Variants in P4HA1 observed in about 807,000 individuals in gnomAD.
The protein encoded by P4HA1 is prolyl 4-hydroxylase subunit alpha-1.
In P4HA1, 24 loss-of-function variants were observed where a neutral mutation model predicts 72.8. That is an observed-to-expected ratio of 0.33 (90% CI 0.24 to 0.46). The LOEUF (loss-of-function observed/expected upper bound fraction) is 0.46. P4HA1 is among the 20% of genes least tolerant of loss of function. The probability of loss-of-function intolerance (pLI) is 1.00; values close to 1 mark genes in which losing one functional copy is unlikely to be tolerated. For missense variants in P4HA1, 446 were observed against 640.6 expected, an observed-to-expected ratio of 0.70 and a Z score of 3.28; for synonymous variants, 201 against 218.8, an observed-to-expected ratio of 0.92 and a Z score of 0.72.
intron 11 of P4HA1, among the ~76,000 whole-genome samples, chr10:73,016,609 G>A (rs917744730): frequency 1.2e-4 from 18 of 151,992 alleles, no homozygotes; most frequent in African/African-American, 3.6e-4. Flanking sequence ...AAACCCTGTC[G>A]CTACTAAAAA....
At chr10:73,043,969 G>A (rs777733794) in intron 9 of P4HA1, 2 of 1,607,394 alleles carry the variant, frequency 1.2e-6, no homozygotes, top group Admixed American at 3.4e-5. Flanking sequence ...TACAAAAAAA[G>A]AGAAAGGACA....
At chr10:73,094,650 G>A (rs1842122102) in intron 1 of P4HA1, among the ~76,000 whole-genome samples, 1 of 152,152 alleles carries the variant, frequency 6.6e-6, no homozygotes, top group Admixed American at 6.5e-5. Context: ...CCCAGCTCTT[G>A]CTGCATCTCT....
At chr10:73,046,214 AAGCATGCCT>A (rs1840859702) in intron 8 of P4HA1, among the ~76,000 whole-genome samples, 2 of 152,206 alleles carry the variant, frequency 1.3e-5, no homozygotes, top group South Asian at 2.1e-4. Context: ...TAAGACAGCA[AAGCATGCCT>A]AGAATTTATT....
intron 12 of P4HA1, among the ~76,000 whole-genome samples, chr10:73,012,587 T>A (rs898481827): frequency 2.0e-5 from 3 of 151,470 alleles, no homozygotes; most frequent in Non-Finnish European, 2.9e-5. Flanking sequence ...AAAGGAGGCA[T>A]ACGGAGAGGA....
At chr10:73,041,506 A>G (rs1257032894) in intron 9 of P4HA1, among the ~76,000 whole-genome samples, 1 of 147,900 alleles carries the variant, frequency 6.8e-6, no homozygotes, top group Non-Finnish European at 1.5e-5. Flanking sequence ...GCGCCACTGC[A>G]CTCCAGCCTG....
intron 1 of P4HA1, among the ~76,000 whole-genome samples, chr10:73,082,195 G>A (rs1841839678): frequency 6.6e-6 from 1 of 152,162 alleles, no homozygotes; most frequent in African/African-American, 2.4e-5. Flanking sequence ...AGGTGTGCTA[G>A]GCTAAGCTAT....
At chr10:73,094,430 T>C (rs144568282) in intron 1 of P4HA1, among the ~76,000 whole-genome samples, 17 of 152,240 alleles carry the variant, frequency 1.1e-4, no homozygotes, top group African/African-American at 3.9e-4. Context: ...CAAAATTCCA[T>C]GTAGGGTGTA....
chr10:73,092,846 C>T (rs943683552), intron 1 of P4HA1, among the ~76,000 whole-genome samples: 2 of 151,898 alleles, frequency 1.3e-5, no homozygotes, highest in Non-Finnish European at 2.9e-5. Flanking sequence ...GATGACCAGG[C>T]ATGGTGGCTC....
intron 1 of P4HA1, among the ~76,000 whole-genome samples, chr10:73,094,355 C>G (rs938367887): frequency 1.3e-5 from 2 of 152,080 alleles, no homozygotes; most frequent in African/African-American, 4.8e-5. Context: ...ACATCTCTTA[C>G]TTTTTAGGGG....
intron 10 of P4HA1, among the ~76,000 whole-genome samples, chr10:73,026,390 AC>A (rs1458501839): frequency 6.6e-6 from 1 of 152,372 alleles, no homozygotes; most frequent in Non-Finnish European, 1.5e-5. Flanking sequence ...TGCTGGGAAA[AC>A]TGGCTAGCCA....
At chr10:73,084,531 A>AC (rs1382653625) in intron 1 of P4HA1, among the ~76,000 whole-genome samples, 2 of 151,954 alleles carry the variant, frequency 1.3e-5, no homozygotes, top group Non-Finnish European at 2.9e-5. Flanking sequence ...CTCCAACTCC[A>AC]CCTCCAGGCT....
chr10:73,070,142 C>CTTTTTTTTTTTTTTT (rs71021546), intron 4 of P4HA1, among the ~76,000 whole-genome samples: 1 of 64,470 alleles, frequency 1.6e-5, no homozygotes, highest in Non-Finnish European at 2.8e-5. Context: ...GAGACCAGGC[C>CTTTTTTTTTTTTTTT]TTTTTTTTTT....
chr10:73,072,024 CT>C lies in P4HA1; in HGVS notation c.325+4del. On this transcript the variant is annotated splice_donor_region_variant and intron_variant, in intron 4 of 14. Coordinates refer to ENST00000394890, the MANE Select transcript of P4HA1 (RefSeq NM_001017962.3). ...TACCTTACTCAGGAATCTCTTCAGA[CT>C]TACCATCTGACATATCCTTAAGGAC... is the stretch of plus-strand genomic sequence containing the variant. 1 of 1,600,958 alleles carries C rather than the reference CT, an allele frequency of 6.2e-7. No homozygotes were observed. The highest frequency in any genetic ancestry group is 8.5e-7 in the Non-Finnish European group (1 of 1,169,980).
At chr10:73,060,178 T>TTAA (rs1183696436) in intron 5 of P4HA1, among the ~76,000 whole-genome samples, 1 of 152,206 alleles carries the variant, frequency 6.6e-6, no homozygotes, top group Non-Finnish European at 1.5e-5. Context: ...CTTAATGTTA[T>TTAA]TAATAGTATG....
At chr10:73,071,445 G>T (rs2394920) in intron 4 of P4HA1, 24,042 of 151,932 alleles carry the variant, frequency 0.16, 3,148 homozygotes, top group African/African-American at 0.34. Context: ...GGCAGGGCAG[G>T]GGCGGCGGGG....
At position 73,047,235 on chromosome 10, in the gene P4HA1, G is replaced by A. The variant is rs1036934556; in HGVS notation, c.901-134C>T. Reference sequence around the variant, plus strand: ...TCTGGAAAAACATACAAAAGAAGCAGTACTCTGCAAATATTTTGCCTCAAA... The same window carrying A: ...TCTGGAAAAACATACAAAAGAAGCAATACTCTGCAAATATTTTGCCTCAAA... On this transcript the variant is annotated intron_variant, in intron 7 of 14. Transcript: ENST00000394890. The A allele has an allele frequency of 3.6e-5, 24 of 673,710 alleles. No homozygotes were observed. In the African/African-American group the frequency reaches 4.2e-4, roughly 12 times the overall value. The allele number at this position is 673,710 out of a possible 1,614,324, so 41.7% of individuals were successfully genotyped here. A position where few individuals can be genotyped will look rare whatever the true frequency, so the allele number is the denominator to read the frequency against.
At chr10:73,065,819 G>C (rs1256592088) in intron 5 of P4HA1, among the ~76,000 whole-genome samples, 1 of 151,920 alleles carries the variant, frequency 6.6e-6, no homozygotes, top group African/African-American at 2.4e-5. Flanking sequence ...CAAAAAATTG[G>C]ACAAAATCTA....
In P4HA1 at chr10:73,019,645, G is replaced by A. The variant is rs180679254; in HGVS notation, c.1249-2746C>T. On this transcript the variant is annotated intron_variant, in intron 10 of 14. Coordinates refer to ENST00000394890, the MANE Select transcript of P4HA1 (RefSeq NM_001017962.3). ...TGCAGGAGGCTGAGGCAGGAGAATCGCTTGAACCTGGGAGGCGGAGGTTGC... is the reference window on the plus strand; with the variant it reads ...TGCAGGAGGCTGAGGCAGGAGAATCACTTGAACCTGGGAGGCGGAGGTTGC... Among the ~76,000 whole-genome samples, 55 of 143,382 alleles carry A rather than the reference G, an allele frequency of 3.8e-4. 1 individual carries two copies. The highest frequency in any genetic ancestry group is 1.2e-3 in the African/African-American group (48 of 39,326). 94.1% of individuals were successfully genotyped at this position (143,382 alleles called of 152,430 possible).
chr10:73,075,866 C>T (rs1841686703), intron 1 of P4HA1, among the ~76,000 whole-genome samples: 2 of 152,064 alleles, frequency 1.3e-5, no homozygotes, highest in African/African-American at 2.4e-5. Flanking sequence ...CCACGGCACC[C>T]GGCCCATCTT....
Sources: allele counts gnomAD v4.1 joint callset (sites outside exome capture counted in the v4.1 genomes callset), GRCh38; gene constraint gnomAD v4.1.1; transcripts MANE v1.5; gene names NCBI Gene and HGNC (gene_info 2026-07-23, HGNC 2026-07-21).